The following DGKH variants were observed in gnomAD, a reference collection of about 807,000 sequenced individuals.
DGKH encodes DAG kinase eta.
In DGKH, 90 loss-of-function variants were observed where a neutral mutation model predicts 159.3. That is an observed-to-expected ratio of 0.57 (90% CI 0.48 to 0.67). The LOEUF (loss-of-function observed/expected upper bound fraction) is 0.67, where lower values mean the gene tolerates loss of function less well. DGKH is among the 30% of genes least tolerant of loss of function. DGKH has a pLI of 0.00. For missense variants in DGKH, 1,181 were observed against 1,506.1 expected (o/e 0.78, Z 3.57); for synonymous variants, 536 against 553.8 (o/e 0.97, Z 0.45).
At chr13:42,119,688 C>A (rs1380285576) in intron 1 of DGKH, among the ~76,000 whole-genome samples, 3 of 152,088 alleles carry the variant, frequency 2.0e-5, no homozygotes, top group Non-Finnish European at 2.9e-5. Flanking sequence ...AATTTTATAA[C>A]AAAAATTTTA....
At chr13:42,150,149 T>A (rs1398308458) in intron 3 of DGKH, among the ~76,000 whole-genome samples, 1 of 152,246 alleles carries the variant, frequency 6.6e-6, no homozygotes, top group Non-Finnish European at 1.5e-5. Context: ...TTAATTATTT[T>A]AAAAATTATG....
downstream of DGKH, among the ~76,000 whole-genome samples, chr13:42,246,788 AG>A (rs1321426311): frequency 1.3e-5 from 2 of 152,228 alleles, no homozygotes; most frequent in Non-Finnish European, 2.9e-5. Flanking sequence ...ACTGAGAGGA[AG>A]GCCACAAATG....
chr13:42,151,670 T>C (rs1412587049), intron 3 of DGKH, among the ~76,000 whole-genome samples: 5 of 151,232 alleles, frequency 3.3e-5, no homozygotes, highest in South Asian at 4.2e-4. Context: ...TATCACATTT[T>C]CTTTATGCAA....
intron 20 of DGKH, 30 bp from the exon 21 acceptor site, chr13:42,206,009 C>G (rs1957459873): frequency 1.8e-6 from 2 of 1,124,712 alleles, no homozygotes; most frequent in Non-Finnish European, 2.3e-6. Context: ...TATCTAATCT[C>G]TACTTTTTTT....
intron 1 of DGKH, among the ~76,000 whole-genome samples, chr13:42,092,143 A>T (rs1954430629): frequency 6.6e-6 from 1 of 152,198 alleles, no homozygotes; most frequent in Non-Finnish European, 1.5e-5. Context: ...TAGGAATAGA[A>T]AGTAGTAAAG....
chr13:42,129,365 G>A (rs142640361), intron 2 of DGKH, among the ~76,000 whole-genome samples, 187 bp from the exon 3 acceptor site: 317 of 152,228 alleles, frequency 2.1e-3, no homozygotes, highest in Non-Finnish European at 3.5e-3. Flanking sequence ...TTTTCAGTTG[G>A]GGATTTATGG....
chr13:42,202,811 A>C (rs1289014345), intron 20 of DGKH, among the ~76,000 whole-genome samples: 7 of 152,200 alleles, frequency 4.6e-5, no homozygotes, highest in African/African-American at 1.7e-4. Flanking sequence ...TAAATGGAAG[A>C]ATTGTATTAA....
chr13:42,149,986 T>G (rs1325719934), intron 3 of DGKH, among the ~76,000 whole-genome samples: 3 of 152,230 alleles, frequency 2.0e-5, no homozygotes, highest in African/African-American at 7.2e-5. Context: ...TGAGTTCTTT[T>G]ATTTACCTTG....
Position 42,168,565 on chromosome 13 carries a change from T to C in DGKH, c.1227+17T>C. The C allele has an allele frequency of 6.2e-7, 1 of 1,613,670 alleles. No individual in the cohort carries two copies. Among genetic ancestry groups the C allele is most frequent in the Non-Finnish European group, 8.5e-7 (1 of 1,179,586 alleles). ...AATAAACAGGCAAGTGCTAATTCTT[T>C]TACTTGCTAGTTAACATGAATGCAT... On this transcript the variant is annotated intron_variant, in intron 10 of 29. Coordinates refer to ENST00000337343, the MANE Select transcript of DGKH (RefSeq NM_178009.5).
chr13:42,144,119 G>A (rs1012285998), intron 3 of DGKH, among the ~76,000 whole-genome samples: 37 of 152,150 alleles, frequency 2.4e-4, no homozygotes, highest in Non-Finnish European at 4.9e-4. Context: ...TATCTTGACA[G>A]TTCTATCCTG....
chr13:42,082,227 G>A (rs1396848953), intron 1 of DGKH, among the ~76,000 whole-genome samples: 1 of 151,768 alleles, frequency 6.6e-6, no homozygotes, highest in Non-Finnish European at 1.5e-5. Flanking sequence ...CCCCACACTT[G>A]TCTACCTTGC....
At chr13:42,040,573 G>A (rs993874413) in intron 1 of DGKH, among the ~76,000 whole-genome samples, 2 of 151,864 alleles carry the variant, frequency 1.3e-5, no homozygotes, top group Non-Finnish European at 2.9e-5. Flanking sequence ...GCGAGGGGCG[G>A]ATTCTGCGCC....
intron 7 of DGKH, among the ~76,000 whole-genome samples, chr13:42,161,615 A>G (rs2137983509): frequency 6.6e-6 from 1 of 151,240 alleles, no homozygotes; most frequent in South Asian, 2.1e-4. Flanking sequence ...CCCCATCTCT[A>G]CTAAAAATAC....
At chr13:42,116,373 C>T (rs1339893363) in intron 1 of DGKH, among the ~76,000 whole-genome samples, 1 of 152,198 alleles carries the variant, frequency 6.6e-6, no homozygotes, top group African/African-American at 2.4e-5. Flanking sequence ...GAAATCTCCC[C>T]TGATCCATCT....
intron 1 of DGKH, among the ~76,000 whole-genome samples, chr13:42,120,052 C>T (rs543189834): frequency 4.4e-4 from 67 of 152,300 alleles, no homozygotes; most frequent in African/African-American, 1.5e-3. Context: ...CACAAGTGCA[C>T]ACTTTATGCA....
At chr13:42,213,656 C>T (rs1347823170) in intron 24 of DGKH, among the ~76,000 whole-genome samples, 1 of 152,114 alleles carries the variant, frequency 6.6e-6, no homozygotes, top group Non-Finnish European at 1.5e-5. Context: ...TTTCTTTACT[C>T]TTGGTTCAGC....
chr13:42,172,666 A>G (rs989436126), intron 11 of DGKH, among the ~76,000 whole-genome samples: 2 of 152,048 alleles, frequency 1.3e-5, no homozygotes, highest in Non-Finnish European at 2.9e-5. Context: ...CTGTGTAAAA[A>G]TCTTTATTTT....
intron 5 of DGKH, among the ~76,000 whole-genome samples, chr13:42,158,034 C>T (rs1295412737): frequency 7.9e-5 from 12 of 152,230 alleles, no homozygotes; most frequent in Admixed American, 7.8e-4. Flanking sequence ...GCTGGGATTA[C>T]AGGCGTGAGC....
intron 9 of DGKH, among the ~76,000 whole-genome samples, chr13:42,167,181 A>G (rs1594130986): frequency 6.6e-6 from 1 of 152,210 alleles, no homozygotes; most frequent in Admixed American, 6.5e-5. Flanking sequence ...TAAAATCTGT[A>G]AGATAAAATG....
Sources: gnomAD v4.1 joint callset for allele counts (sites outside exome capture counted in the v4.1 genomes callset) on GRCh38, gnomAD v4.1.1 for gene constraint, MANE v1.5 for transcripts, NCBI Gene and HGNC (gene_info 2026-07-23, HGNC 2026-07-21) for gene names.